Variants in DSCAM observed in about 807,000 individuals in gnomAD.
DSCAM encodes the protein DS cell adhesion molecule.
A neutral mutation model predicts 217.7 loss-of-function variants in DSCAM; 47 were observed. The ratio of observed to expected loss-of-function variants is 0.22; its 90% CI spans 0.17 to 0.28. The LOEUF (loss-of-function observed/expected upper bound fraction) is 0.28. DSCAM is among the 10% of genes least tolerant of loss of function. The pLI is 1.00. For missense variants in DSCAM, 2,080 were observed against 2,618.3 expected, an observed-to-expected ratio of 0.79 and a Z score of 4.49; for synonymous variants, 1,056 against 1,015.3, an observed-to-expected ratio of 1.04 and a Z score of -0.76.
At chr21:40,341,471 G>A (rs2074490673) in intron 6 of DSCAM, among the ~76,000 whole-genome samples, 1 of 152,142 alleles carries the variant, frequency 6.6e-6, no homozygotes, top group African/African-American at 2.4e-5. Context: ...TACATACAGT[G>A]AAATATACAG....
intron 3 of DSCAM, among the ~76,000 whole-genome samples, chr21:40,603,145 T>C (rs916403208): frequency 6.6e-6 from 1 of 152,312 alleles, no homozygotes; most frequent in East Asian, 1.9e-4. Flanking sequence ...CTTTATGTTA[T>C]TAAATTTAAT....
rs536631969 is a variant in DSCAM, at chr21:40,282,370, G to A, written c.2183-6100C>T. Among the ~76,000 whole-genome samples, 38 of 151,882 alleles carry A rather than the reference G, an allele frequency of 2.5e-4. No homozygotes were observed. In the South Asian group the frequency reaches 7.1e-3, roughly 28 times the overall value. On this transcript the variant is annotated intron_variant, in intron 10 of 32. Coordinates refer to ENST00000400454, the MANE Select transcript of DSCAM (RefSeq NM_001389.5). ...TGGGAGGCCGAGGCGGGTGGATCAC[G>A]AGGTCAGGAGGTCGAGACCATCCTA...
intron 9 of DSCAM, 150 bp downstream of exon 9, chr21:40,311,931 G>GTCTTT: frequency 6.0e-6 from 3 of 496,982 alleles, no homozygotes; most frequent in Non-Finnish European, 9.4e-6. Flanking sequence ...GTTTAGAGTC[G>GTCTTT]TATTTTTTTT....
chr21:40,160,172 C>A (rs2090525412), intron 16 of DSCAM, among the ~76,000 whole-genome samples: 1 of 152,128 alleles, frequency 6.6e-6, no homozygotes, highest in East Asian at 1.9e-4. Context: ...AAATGCACTG[C>A]TACTTTCTTG....
At chr21:40,139,181 G>A (rs1360164921) in intron 18 of DSCAM, among the ~76,000 whole-genome samples, 1 of 151,676 alleles carries the variant, frequency 6.6e-6, no homozygotes, top group Non-Finnish European at 1.5e-5. Context: ...GGTGTGGTAT[G>A]TGGACCCTGA....
At chr21:40,517,355 T>TAC (rs958227843) in intron 3 of DSCAM, among the ~76,000 whole-genome samples, 2 of 149,966 alleles carry the variant, frequency 1.3e-5, no homozygotes, top group Non-Finnish European at 3.0e-5. Flanking sequence ...CATATATATA[T>TAC]ACACACACAC....
At chr21:40,269,487 C>T (rs2073586440) in intron 11 of DSCAM, among the ~76,000 whole-genome samples, 1 of 152,212 alleles carries the variant, frequency 6.6e-6, no homozygotes, top group Non-Finnish European at 1.5e-5. Context: ...TTCCCTCCAA[C>T]ACAAGACCGC....
intron 19 of DSCAM, 113 bp downstream of exon 19, chr21:40,133,741 G>A: frequency 7.7e-7 from 1 of 1,306,130 alleles, no homozygotes; most frequent in Non-Finnish European, 1.0e-6. Flanking sequence ...TGGGAGGGCA[G>A]CAAAGGTTTG....
intron 11 of DSCAM, among the ~76,000 whole-genome samples, chr21:40,207,016 T>C (rs1004502758): frequency 2.6e-5 from 4 of 152,284 alleles, no homozygotes; most frequent in Admixed American, 6.5e-5. Context: ...ACCACAAAGA[T>C]AGTGCTTAGC....
intron 19 of DSCAM, among the ~76,000 whole-genome samples, chr21:40,128,746 C>A (rs2146679502): frequency 6.6e-6 from 1 of 151,690 alleles, no homozygotes; most frequent in Admixed American, 6.6e-5. Flanking sequence ...GCCTGGGAGA[C>A]CTTGACCTCA....
chr21:40,791,163 A>C (rs1170327429), intron 1 of DSCAM, among the ~76,000 whole-genome samples: 1 of 151,936 alleles, frequency 6.6e-6, no homozygotes, highest in Non-Finnish European at 1.5e-5. Flanking sequence ...TCTCAAAAAA[A>C]AAAAAAGAAA....
rs1394015858 is a variant in DSCAM, at chr21:40,187,226, T to C, written c.2684A>G (p.Asp895Gly). ...PPDPPEIEIK[D>G]VKARTITLRW... ...GAGCGTAATTGTGCGTGCTTTGACA[T>C]CTTTGATCTCAATTTCGGGAGGGTC... Residue 895 changes from aspartate to glycine, a missense_variant, in exon 14 of 33, where the codon GAT (aspartate) becomes GGT (glycine). Transcript: ENST00000400454. 1.2e-6 allele frequency: 2 copies of C among 1,614,014 alleles called. No homozygotes were observed. The highest frequency in any genetic ancestry group is 1.7e-6 in the Non-Finnish European group (2 of 1,179,924).
intron 3 of DSCAM, among the ~76,000 whole-genome samples, chr21:40,592,334 A>C (rs1001579157): frequency 5.9e-5 from 9 of 152,224 alleles, no homozygotes; most frequent in Non-Finnish European, 1.3e-4. Context: ...TATCTATCAA[A>C]TATCACATAC....
chr21:40,194,478 C>T (rs977824003), intron 11 of DSCAM, among the ~76,000 whole-genome samples: 1 of 152,066 alleles, frequency 6.6e-6, no homozygotes. Flanking sequence ...GGGATTGGTA[C>T]CAAGGAGAGG....
At chr21:40,198,200 G>A (rs903991667) in intron 11 of DSCAM, among the ~76,000 whole-genome samples, 1 of 152,166 alleles carries the variant, frequency 6.6e-6, no homozygotes, top group South Asian at 2.1e-4. Flanking sequence ...AAATATGGAG[G>A]CTTTTGTTCA....
chr21:40,335,216 T>G (rs2074417797), intron 8 of DSCAM, among the ~76,000 whole-genome samples: 1 of 152,134 alleles, frequency 6.6e-6, no homozygotes, highest in African/African-American at 2.4e-5. Context: ...TCCCAACAAC[T>G]GCCATTTCTC....
Position 40,542,642 on chromosome 21 carries a change from G to C in DSCAM, c.508+150168C>G, listed in dbSNP as rs1187593708. On this transcript the variant is annotated intron_variant, in intron 3 of 32. Transcript: ENST00000400454. Reference sequence around the variant, plus strand: ...GGAAGCAGGAAGCAAGGCTTCCCCAGATGACAGATCTGCTGACAACCTGAT... The same window carrying C: ...GGAAGCAGGAAGCAAGGCTTCCCCACATGACAGATCTGCTGACAACCTGAT... Among the ~76,000 whole-genome samples, 5 of 152,334 alleles carry C rather than the reference G, an allele frequency of 3.3e-5. No homozygotes were observed. In the East Asian group the frequency reaches 9.6e-4, roughly 29 times the overall value.
At chr21:40,668,605 AC>A (rs2090231523) in intron 3 of DSCAM, among the ~76,000 whole-genome samples, 1 of 152,186 alleles carries the variant, frequency 6.6e-6, no homozygotes, top group African/African-American at 2.4e-5. Context: ...TAGGCCCCAC[AC>A]CAAGCTACTC....
chr21:40,676,718 G>A (rs1232077354), intron 3 of DSCAM, among the ~76,000 whole-genome samples: 1 of 152,106 alleles, frequency 6.6e-6, no homozygotes, highest in Non-Finnish European at 1.5e-5. Flanking sequence ...AATCCTTGTG[G>A]ATCATTTAAA....
Sources: gnomAD v4.1 joint callset for allele counts (sites outside exome capture counted in the v4.1 genomes callset) on GRCh38, gnomAD v4.1.1 for gene constraint, MANE v1.5 for transcripts, NCBI Gene and HGNC (gene_info 2026-07-23, HGNC 2026-07-21) for gene names.